The following PFDN4 variants were observed in gnomAD, a reference collection of about 807,000 sequenced individuals.
PFDN4 encodes the protein prefoldin 4.
A neutral mutation model predicts 17.6 loss-of-function variants in PFDN4; 6 were observed. That is an observed-to-expected ratio of 0.34 (90% confidence interval 0.19 to 0.67). The LOEUF is 0.67. Ranked by LOEUF, PFDN4 falls within the 30% of genes least tolerant of loss-of-function variation. The probability of loss-of-function intolerance (pLI) is 0.68; values close to 1 mark genes in which losing one functional copy is unlikely to be tolerated. For missense variants in PFDN4, 119 were observed against 158.4 expected, an observed-to-expected ratio of 0.75 and a Z score of 1.33; for synonymous variants, 48 against 51.1, an observed-to-expected ratio of 0.94 and a Z score of 0.26.
intron 3 of PFDN4, among the ~76,000 whole-genome samples, chr20:54,216,659 TA>T (rs2092762893): frequency 6.6e-6 from 1 of 151,966 alleles, no homozygotes; most frequent in Non-Finnish European, 1.5e-5. Flanking sequence ...TTTATTTATT[TA>T]TTTATTTATT....
rs74754032 is a variant in PFDN4, at chr20:54,219,009, T to C, written c.274-10T>C. 4.1e-6 allele frequency: 6 copies of C among 1,454,264 alleles called. No individual in the cohort carries two copies. In the East Asian group the frequency reaches 1.5e-4, roughly 37 times the overall value. The allele number at this position is 1,454,264 out of a possible 1,614,324, so 90.1% of individuals were successfully genotyped here. On this transcript the variant is annotated splice_polypyrimidine_tract_variant and intron_variant, in intron 3 of 3. Transcript: ENST00000371419. ...TTGAATAGAATTAATTTAAAATATTTTTTTTCCAGAAAAATTTGCAAGAAG... is the reference window on the plus strand; with the variant it reads ...TTGAATAGAATTAATTTAAAATATTCTTTTTCCAGAAAAATTTGCAAGAAG...
At position 54,217,935 on chromosome 20, in the gene PFDN4, CT is replaced by C. The variant is rs566199909; in HGVS notation, c.274-1083del. On this transcript the variant is annotated intron_variant, in intron 3 of 3. Transcript: ENST00000371419. ...ACCCAAAGACGATCTTTCAGGTGGGCTGAGGTAGGGCCCCAGAATGTGTATT... is the reference window on the plus strand; with the variant it reads ...ACCCAAAGACGATCTTTCAGGTGGGCGAGGTAGGGCCCCAGAATGTGTATT... Among the ~76,000 whole-genome samples the C allele has an allele frequency of 1.5e-4, 23 of 152,242 alleles. No homozygotes were observed. The South Asian group carries it at 4.8e-3, about 32-fold the overall frequency.
intron 2 of PFDN4, 65 bp from the exon 3 acceptor site, chr20:54,215,235 C>T: frequency 8.2e-7 from 1 of 1,220,104 alleles, no homozygotes; most frequent in South Asian, 1.6e-5. Context: ...CCCCAAATTA[C>T]AATTGGCCTT....
Position 54,208,212 on chromosome 20 carries a change from G to A in PFDN4, c.24+88G>A, listed in dbSNP as rs553892590. ...GGGCGCGGGATGCTGGGGGTGCGCAGCTCCGAAGCCCGGCGTGGGACCCGA... is the reference window on the plus strand; with the variant it reads ...GGGCGCGGGATGCTGGGGGTGCGCAACTCCGAAGCCCGGCGTGGGACCCGA... On this transcript the variant is annotated intron_variant, in intron 1 of 3. Coordinates refer to ENST00000371419, the MANE Select transcript of PFDN4 (RefSeq NM_002623.4). The A allele has an allele frequency of 9.1e-4, 1,128 of 1,242,468 alleles. 21 individuals are homozygous for A. The South Asian group carries it at 0.015, about 16-fold the overall frequency. The allele number at this position is 1,242,468 out of a possible 1,614,324, so 77.0% of individuals were successfully genotyped here. A position where few individuals can be genotyped will look rare whatever the true frequency, so the allele number is the denominator to read the frequency against.
chr20:54,216,672 T>A (rs886171347), intron 3 of PFDN4, among the ~76,000 whole-genome samples: 2 of 151,992 alleles, frequency 1.3e-5, no homozygotes, highest in East Asian at 1.9e-4. Flanking sequence ...TTATTTATTT[T>A]TTGAGATGGA....
Position 54,219,560 on chromosome 20 carries a change from T to G in PFDN4, c.*410T>G, listed in dbSNP as rs763827370. On this transcript the variant is annotated 3_prime_UTR_variant, in exon 4 of 4. Coordinates refer to ENST00000371419, the MANE Select transcript of PFDN4 (RefSeq NM_002623.4). ...TGAAAAGATGTACAATCCTGCATCCTTGCTTATTTCACAACTAAAGCTTTG... is the reference window on the plus strand; with the variant it reads ...TGAAAAGATGTACAATCCTGCATCCGTGCTTATTTCACAACTAAAGCTTTG... The G allele has an allele frequency of 5.8e-5, 23 of 393,276 alleles. No homozygotes were observed. Among genetic ancestry groups the G allele is most frequent in the Non-Finnish European group, 8.5e-5 (19 of 223,696 alleles). 24.4% of individuals were successfully genotyped at this position (393,276 alleles called of 1,614,324 possible). A position where few individuals can be genotyped will look rare whatever the true frequency, so the allele number is the denominator to read the frequency against.
chr20:54,219,723 A>G lies in PFDN4; in HGVS notation c.*573A>G, dbSNP rs966548232. On this transcript the variant is annotated 3_prime_UTR_variant, in exon 4 of 4. Coordinates refer to ENST00000371419, the MANE Select transcript of PFDN4 (RefSeq NM_002623.4). ...GTAAAAGAATGGGTAATGTTTAAACATGTGGAGGCATGTGGAGCTTTATAC... is the reference window on the plus strand; with the variant it reads ...GTAAAAGAATGGGTAATGTTTAAACGTGTGGAGGCATGTGGAGCTTTATAC... 2.5e-6 allele frequency: 1 copy of G among 397,710 alleles called. No individual in the cohort carries two copies. The highest frequency in any genetic ancestry group is 4.4e-5 in the Admixed American group (1 of 22,698). The allele number at this position is 397,710 out of a possible 1,614,324, so 24.6% of individuals were successfully genotyped here. A position where few individuals can be genotyped will look rare whatever the true frequency, so the allele number is the denominator to read the frequency against.
chr20:54,210,871 C>G (rs1050138882), intron 1 of PFDN4, among the ~76,000 whole-genome samples: 1 of 152,292 alleles, frequency 6.6e-6, no homozygotes, highest in South Asian at 2.1e-4. Context: ...TGTCACAGTG[C>G]ATGGCGTATA....
chr20:54,209,344 C>G (rs766966707), intron 1 of PFDN4, among the ~76,000 whole-genome samples: 3 of 152,102 alleles, frequency 2.0e-5, no homozygotes, highest in African/African-American at 7.2e-5. Flanking sequence ...TTGCTTTGCC[C>G]CTATCCAGTA....
rs1269311662 is a variant in PFDN4, at chr20:54,219,712, A to T, written c.*562A>T. 1 of 398,170 alleles carries T rather than the reference A, an allele frequency of 2.5e-6. No individual in the cohort carries two copies. Among genetic ancestry groups the T allele is most frequent in the African/African-American group, 2.1e-5 (1 of 48,592 alleles). 24.7% of individuals were successfully genotyped at this position (398,170 alleles called of 1,614,324 possible). A position where few individuals can be genotyped will look rare whatever the true frequency, so the allele number is the denominator to read the frequency against. On this transcript the variant is annotated 3_prime_UTR_variant, in exon 4 of 4. Coordinates refer to ENST00000371419, the MANE Select transcript of PFDN4 (RefSeq NM_002623.4). ...CAGAGATTTGGGTAAAAGAATGGGTAATGTTTAAACATGTGGAGGCATGTG... is the reference window on the plus strand; with the variant it reads ...CAGAGATTTGGGTAAAAGAATGGGTTATGTTTAAACATGTGGAGGCATGTG...
intron 1 of PFDN4, among the ~76,000 whole-genome samples, chr20:54,211,197 G>T (rs2092755329): frequency 6.6e-6 from 1 of 152,184 alleles, no homozygotes; most frequent in Admixed American, 6.5e-5. Context: ...AAATTGGCCA[G>T]AATTTATTTC....
At chr20:54,217,320 A>G (rs530885081) in intron 3 of PFDN4, among the ~76,000 whole-genome samples, 1 of 152,276 alleles carries the variant, frequency 6.6e-6, no homozygotes, top group South Asian at 2.1e-4. Flanking sequence ...GAGAAGCAAC[A>G]TGTGTGAACG....
At chr20:54,209,101 A>T (rs930637835) in intron 1 of PFDN4, among the ~76,000 whole-genome samples, 1 of 152,122 alleles carries the variant, frequency 6.6e-6, no homozygotes, top group Non-Finnish European at 1.5e-5. Flanking sequence ...TGTGCTAGGT[A>T]CAGCTGTAAG....
intron 3 of PFDN4, among the ~76,000 whole-genome samples, chr20:54,218,062 A>G (rs941247456): frequency 1.3e-5 from 2 of 151,950 alleles, no homozygotes; most frequent in Non-Finnish European, 2.9e-5. Context: ...TGTCAGTATT[A>G]GATATTCTTT....
chr20:54,215,642 G>A (rs1308413036), intron 3 of PFDN4, among the ~76,000 whole-genome samples: 1 of 152,238 alleles, frequency 6.6e-6, no homozygotes, highest in Admixed American at 6.5e-5. Context: ...ACAAAGAATA[G>A]AGGCTTAGAG....
At chr20:54,212,791 C>T (rs894852973) in intron 1 of PFDN4, among the ~76,000 whole-genome samples, 2 of 152,258 alleles carry the variant, frequency 1.3e-5, no homozygotes, top group African/African-American at 4.8e-5. Context: ...TGACAGTTCT[C>T]ACTTAGGCAA....
chr20:54,213,378 C>T (rs187884947), intron 1 of PFDN4, among the ~76,000 whole-genome samples: 12 of 152,300 alleles, frequency 7.9e-5, no homozygotes, highest in Non-Finnish European at 1.2e-4. Context: ...CCTGCTGCCT[C>T]TTCCAGATGT....
intron 1 of PFDN4, chr20:54,208,335 C>G: frequency 2.2e-6 from 1 of 448,076 alleles, no homozygotes; most frequent in South Asian, 4.9e-5. Flanking sequence ...CGAGGCGGGG[C>G]GCCGGGGCTG....
chr20:54,218,984 T>C (rs1380924683), intron 3 of PFDN4, 35 bp from the exon 4 acceptor site: 3 of 1,303,790 alleles, frequency 2.3e-6, no homozygotes, highest in Admixed American at 2.4e-5. Flanking sequence ...AATCATCCTA[T>C]TGAATAGAAT....
Sources: gnomAD v4.1 joint callset for allele counts (sites outside exome capture counted in the v4.1 genomes callset) on GRCh38, gnomAD v4.1.1 for gene constraint, MANE v1.5 for transcripts, NCBI Gene and HGNC (gene_info 2026-07-23, HGNC 2026-07-21) for gene names.